CLDN16: variants seen among roughly 807,000 people sequenced by gnomAD.
CLDN16 encodes the protein claudin 16.
Under a neutral mutation model 24.6 loss-of-function variants are expected in CLDN16, and 13 were observed. That is an observed-to-expected ratio of 0.53 (90% CI 0.34 to 0.84). The LOEUF is 0.84. Among genes scored for constraint, CLDN16 ranks in the 40% least tolerant of loss-of-function variants. CLDN16 has a pLI of 0.01. For missense variants in CLDN16, 298 were observed against 292.7 expected (o/e 1.02, Z -0.13); for synonymous variants, 116 against 106.7 (o/e 1.09, Z -0.54).
At chr3:190,388,794 C>G (rs1718575459) in intron 1 of CLDN16, among the ~76,000 whole-genome samples, 1 of 152,104 alleles carries the variant, frequency 6.6e-6, no homozygotes, top group Admixed American at 6.6e-5. Context: ...CAGTACCACC[C>G]TTTTTTCTAA....
At chr3:190,364,725 G>A (rs569207327) in intron 1 of CLDN16, among the ~76,000 whole-genome samples, 1 of 151,854 alleles carries the variant, frequency 6.6e-6, no homozygotes, top group Non-Finnish European at 1.5e-5. Context: ...ATCGTGCTGG[G>A]TCCACTCAAA....
At chr3:190,385,075 A>T (rs1033735096), upstream of CLDN16, among the ~76,000 whole-genome samples, 2 of 152,146 alleles carry the variant, frequency 1.3e-5, no homozygotes, top group Admixed American at 6.6e-5. Context: ...CCTCTCAAGG[A>T]CTAGGATGAG....
intron 1 of CLDN16, among the ~76,000 whole-genome samples, chr3:190,355,120 A>G (rs899451378): frequency 1.3e-5 from 2 of 151,970 alleles, no homozygotes; most frequent in African/African-American, 4.8e-5. Context: ...TTTTTCTTCA[A>G]ATTACACTTA....
At chr3:190,298,955 CA>C in the CLDN16 span, among the ~76,000 whole-genome samples, 1 of 152,046 alleles carries the variant, frequency 6.6e-6, no homozygotes, top group Non-Finnish European at 1.5e-5. Flanking sequence ...AAGAGTTTCT[CA>C]AAAATATATG....
chr3:190,392,736 G>A (rs1424177258), intron 1 of CLDN16, among the ~76,000 whole-genome samples: 2 of 152,118 alleles, frequency 1.3e-5, no homozygotes, highest in South Asian at 2.1e-4. Flanking sequence ...CTGAGGTCAA[G>A]GTACAAGAGC....
chr3:190,399,907 C>A (rs1254292728), intron 1 of CLDN16, among the ~76,000 whole-genome samples: 1 of 152,122 alleles, frequency 6.6e-6, no homozygotes. Flanking sequence ...GTATTCGATT[C>A]TCATAGGAGT....
chr3:190,316,928 A>T, the CLDN16 span, among the ~76,000 whole-genome samples: 4 of 152,222 alleles, frequency 2.6e-5, no homozygotes, highest in East Asian at 7.7e-4. Flanking sequence ...GATAACTAGA[A>T]ACTCATGCAG....
chr3:190,351,530 C>T (rs1041199496), intron 1 of CLDN16, among the ~76,000 whole-genome samples: 9 of 152,240 alleles, frequency 5.9e-5, no homozygotes, highest in Admixed American at 3.3e-4. Flanking sequence ...AATATTTAAA[C>T]AAACCAGTGA....
At chr3:190,318,036 C>G (rs3774023), upstream of CLDN16, among the ~76,000 whole-genome samples, 15 of 152,298 alleles carry the variant, frequency 9.8e-5, 1 homozygote, top group Admixed American at 7.8e-4. Flanking sequence ...GAAGTGTACT[C>G]CCCTGGCTTT....
At chr3:190,405,188 G>T (rs573789133) in intron 3 of CLDN16, among the ~76,000 whole-genome samples, 1 of 152,224 alleles carries the variant, frequency 6.6e-6, no homozygotes, top group African/African-American at 2.4e-5. Context: ...CCAGCACTTT[G>T]GGAGGCCAAG....
At chr3:190,405,253 A>G (rs1719066741) in intron 3 of CLDN16, among the ~76,000 whole-genome samples, 1 of 151,930 alleles carries the variant, frequency 6.6e-6, no homozygotes, top group Non-Finnish European at 1.5e-5. Context: ...TCATGGTGAA[A>G]CCCTATCCCC....
upstream of CLDN16, among the ~76,000 whole-genome samples, chr3:190,318,301 A>G (rs186295692): frequency 3.9e-4 from 59 of 152,302 alleles, no homozygotes; most frequent in African/African-American, 1.1e-3. Context: ...TGATGCTTCT[A>G]TATTACCTCC....
chr3:190,306,887 G>C, the CLDN16 span: 1 of 152,686 alleles, frequency 6.5e-6, no homozygotes, highest in Admixed American at 6.5e-5. Context: ...AGAGAGGAAG[G>C]CACTGAACCA....
At chr3:190,298,565 C>G in the CLDN16 span, among the ~76,000 whole-genome samples, 1 of 151,222 alleles carries the variant, frequency 6.6e-6, no homozygotes, top group Non-Finnish European at 1.5e-5. Context: ...AAGTGATTCT[C>G]ATTCCTCAGC....
chr3:190,352,816 A>C lies in CLDN16; in HGVS notation n.122-18077A>C, dbSNP rs796143550. Reference sequence around the variant, plus strand: ...CAGAAAAAAAAAAAGGATAAAAAAAACCTCTTTTCTTACATCAACTGTATA... The same window carrying C: ...CAGAAAAAAAAAAAGGATAAAAAAACCCTCTTTTCTTACATCAACTGTATA... On this transcript the variant is annotated intron_variant and non_coding_transcript_variant, in intron 1 of 4. Transcript: ENST00000468220. 1.9e-4 allele frequency among the ~76,000 whole-genome samples: 29 copies of C among 151,882 alleles called. 1 individual carries two copies. The highest frequency in any genetic ancestry group is 5.8e-4 in the African/African-American group (24 of 41,478).
intron 1 of CLDN16, among the ~76,000 whole-genome samples, chr3:190,362,400 C>T (rs937906261): frequency 7.2e-5 from 11 of 151,930 alleles, no homozygotes; most frequent in African/African-American, 2.4e-4. Context: ...CTCACTTCGA[C>T]CCCCTCTGTG....
chr3:190,393,897 A>G (rs572166827), intron 1 of CLDN16, among the ~76,000 whole-genome samples: 6 of 151,778 alleles, frequency 4.0e-5, no homozygotes, highest in Non-Finnish European at 5.9e-5. Context: ...ACTACAGGCA[A>G]GCACCACCAC....
chr3:190,364,301 A>G (rs1266963792), intron 1 of CLDN16, among the ~76,000 whole-genome samples: 5 of 151,902 alleles, frequency 3.3e-5, no homozygotes, highest in African/African-American at 1.2e-4. Flanking sequence ...GCAGTGGTGT[A>G]TGGCTTGGGA....
intron 1 of CLDN16, among the ~76,000 whole-genome samples, chr3:190,370,124 C>T (rs1206950173): frequency 1.3e-5 from 2 of 151,940 alleles, no homozygotes; most frequent in African/African-American, 4.8e-5. Flanking sequence ...CTGGAATTGT[C>T]ACTAGCATTT....
Sources: gnomAD v4.1 joint callset for allele counts (sites outside exome capture counted in the v4.1 genomes callset) on GRCh38, gnomAD v4.1.1 for gene constraint, MANE v1.5 for transcripts, NCBI Gene and HGNC (gene_info 2026-07-23, HGNC 2026-07-21) for gene names.